Variants in PLEKHG4B observed in about 807,000 individuals in gnomAD.
The protein encoded by PLEKHG4B is pleckstrin homology domain-containing family G member 4B.
A neutral mutation model predicts 121.3 loss-of-function variants in PLEKHG4B; 111 were observed. That is an observed-to-expected ratio of 0.92 (90% CI 0.78 to 1.07). The LOEUF (loss-of-function observed/expected upper bound fraction) is 1.07, where lower values mean the gene tolerates loss of function less well. Ranked by LOEUF, PLEKHG4B falls within the 50% of genes least tolerant of loss-of-function variation. The pLI is 0.00. For synonymous variants in PLEKHG4B, 738 were observed against 725.0 expected (o/e 1.02, Z -0.29); for missense variants, 1,831 against 1,757.8 (o/e 1.04, Z -0.74).
chr5:139,966 G>A lies in PLEKHG4B; in HGVS notation c.727G>A (p.Ala243Thr), dbSNP rs1241754582. 3.5e-5 allele frequency: 14 copies of A among 405,432 alleles called. No homozygotes were observed. The highest frequency in any genetic ancestry group is 3.9e-5 in the Non-Finnish European group (9 of 230,150). 25.1% of individuals were successfully genotyped at this position (405,432 alleles called of 1,614,324 possible). Residue 243 changes from alanine to threonine, a missense_variant, in exon 3 of 20, where the codon GCC (alanine) becomes ACC (threonine). Coordinates refer to ENST00000637938, the MANE Select transcript of PLEKHG4B (RefSeq NM_052909.5). This position sits in a 1 kb window ranked among gnomAD's most constrained non-coding sequence, Gnocchi z 5.0. ...ATAGPHFQGSASCPDTLTSPC... is the reference protein window; with the variant it reads ...ATAGPHFQGSTSCPDTLTSPC... Reference sequence around the variant, plus strand: ...AGCAGGCCCCCATTTCCAGGGAAGCGCCTCTTGCCCCGACACCCTGACCTC... The same window carrying A: ...AGCAGGCCCCCATTTCCAGGGAAGCACCTCTTGCCCCGACACCCTGACCTC...
chr5:173,665 C>T (rs1017090924), intron 17 of PLEKHG4B, among the ~76,000 whole-genome samples: 4 of 151,370 alleles, frequency 2.6e-5, no homozygotes, highest in South Asian at 2.1e-4. Flanking sequence ...CTCCTTTGCA[C>T]GCTCACAAGC....
chr5:162,076 CCCCT>C, intron 12 of PLEKHG4B, 132 bp downstream of exon 12: 1 of 1,189,998 alleles, frequency 8.4e-7, no homozygotes, highest in Non-Finnish European at 1.1e-6. Flanking sequence ...CGATGGAGCC[CCCCT>C]GGCCACTGCG....
intron 2 of PLEKHG4B, among the ~76,000 whole-genome samples, chr5:131,118 C>CTTTTTT (rs370839530): frequency 7.4e-5 from 11 of 148,124 alleles, no homozygotes; most frequent in Admixed American, 6.7e-5. Flanking sequence ...AAGCTGCTTC[C>CTTTTTT]TTTTTTTTTT....
rs1345953294 is a variant in PLEKHG4B, at chr5:169,492, A to G, written c.3629A>G (p.Asn1210Ser). The change falls in exon 14 of 20, where the codon AAC (asparagine) becomes AGC (serine). Residue 1210 changes from asparagine to serine, a missense_variant. By Grantham distance (46) the Asn-to-Ser change is conservative. Coordinates refer to ENST00000637938, the MANE Select transcript of PLEKHG4B (RefSeq NM_052909.5). ...LRGKHHVIFG[N>S]LEKLHDFHQQ... Reference sequence around the variant, plus strand: ...GGGAAGCACCACGTTATTTTCGGCAACTTGGAGAAGCTCCACGACTTCCAC... The same window carrying G: ...GGGAAGCACCACGTTATTTTCGGCAGCTTGGAGAAGCTCCACGACTTCCAC... 3.7e-6 allele frequency: 6 copies of G among 1,614,220 alleles called. No homozygotes were observed. In the East Asian group the frequency reaches 1.1e-4, roughly 30 times the overall value.
At chr5:179,216 A>T (rs1736858601) in intron 18 of PLEKHG4B, among the ~76,000 whole-genome samples, 2 of 152,090 alleles carry the variant, frequency 1.3e-5, no homozygotes, top group African/African-American at 2.4e-5. Context: ...TTTCACTTTT[A>T]TCTTTTTATC....
rs2031570381 is a variant in PLEKHG4B, at chr5:127,567, G to A, written c.244-11916G>A. Among the ~76,000 whole-genome samples, 3 of 152,102 alleles carry A rather than the reference G, an allele frequency of 2.0e-5. No individual in the cohort carries two copies. In the South Asian group the frequency reaches 6.2e-4, roughly 32 times the overall value. On this transcript the variant is annotated intron_variant, in intron 2 of 19. Coordinates refer to ENST00000637938, the MANE Select transcript of PLEKHG4B (RefSeq NM_052909.5). ...GGGAAAAGACAAAAAAATGAAAGGG[G>A]TGGCAAAAGGGCATCACCTCTTTAA...
rs769038158 is a variant in PLEKHG4B, at chr5:181,669, G to A, written c.4558G>A (p.Gly1520Ser). Residue 1520 changes from glycine to serine, a missense_variant, in exon 19 of 20, where the codon GGC (glycine) becomes AGC (serine). Physicochemically the swap from Gly to Ser is moderately conservative, Grantham distance 56. Transcript: ENST00000637938. ...SDRVPDSIVKGTESQMRGSTA... is the reference protein window; with the variant it reads ...SDRVPDSIVKSTESQMRGSTA... ...CCGAGTCCCCGACAGCATCGTCAAG[G>A]GCACAGGTACGGTGGCTCGGTCCCG... is the stretch of plus-strand genomic sequence containing the variant. 11 of 1,612,946 alleles carry A rather than the reference G, an allele frequency of 6.8e-6. No homozygotes were observed. Among genetic ancestry groups the A allele is most frequent in the Non-Finnish European group, 9.3e-6 (11 of 1,179,652 alleles).
At chr5:174,880 G>C (rs949136550) in intron 18 of PLEKHG4B, among the ~76,000 whole-genome samples, 4 of 151,994 alleles carry the variant, frequency 2.6e-5, no homozygotes, top group African/African-American at 9.7e-5. Flanking sequence ...TCCGTGACTC[G>C]ATCTCCAAAG....
chr5:183,147 A>G lies in PLEKHG4B; in HGVS notation c.*824A>G, dbSNP rs1733474883. 1 of 152,262 alleles carries G rather than the reference A, an allele frequency of 6.6e-6. No individual in the cohort carries two copies. The highest frequency in any genetic ancestry group is 1.5e-5 in the Non-Finnish European group (1 of 68,054). The allele number at this position is 152,262 out of a possible 1,614,324, so 9.4% of individuals were successfully genotyped here. A position where few individuals can be genotyped will look rare whatever the true frequency, so the allele number is the denominator to read the frequency against. ...AAATCTTGCCTCAGGAATGGGGATA[A>G]TTAGCCCTAGACTGAGCCCTGCTCC... On this transcript the variant is annotated 3_prime_UTR_variant, in exon 20 of 20. Coordinates refer to ENST00000637938, the MANE Select transcript of PLEKHG4B (RefSeq NM_052909.5).
At chr5:164,916 C>G (rs373590005) in intron 13 of PLEKHG4B, among the ~76,000 whole-genome samples, 1 of 57,086 alleles carries the variant, frequency 1.8e-5, no homozygotes, top group East Asian at 3.4e-4. Context: ...TGTGACGGGG[C>G]GGAGCTCACA....
At chr5:135,187 C>CAAAAAAAAAAAAAAAAAAAAAAAAAAAAA (rs35601775) in intron 2 of PLEKHG4B, among the ~76,000 whole-genome samples, 1 of 48,778 alleles carries the variant, frequency 2.1e-5, no homozygotes, top group African/African-American at 6.3e-5. Flanking sequence ...GACTCCAGCT[C>CAAAAAAAAAAAAAAAAAAAAAAAAAAAAA]AAAAAAAAAA....
chr5:161,576 T>G (rs1366673532), intron 11 of PLEKHG4B, among the ~76,000 whole-genome samples: 1 of 152,142 alleles, frequency 6.6e-6, no homozygotes, highest in Non-Finnish European at 1.5e-5. Flanking sequence ...GTTCTTCCCC[T>G]GTGTAGATCA....
At chr5:151,020 C>T (rs570179269) in intron 6 of PLEKHG4B, among the ~76,000 whole-genome samples, 15 of 152,184 alleles carry the variant, frequency 9.9e-5, no homozygotes, top group Non-Finnish European at 1.5e-4. Flanking sequence ...AGGAACAAAC[C>T]GTTGATCTCC....
At chr5:151,847 C>T (rs1735615382) in intron 7 of PLEKHG4B, among the ~76,000 whole-genome samples, 2 of 152,196 alleles carry the variant, frequency 1.3e-5, no homozygotes, top group African/African-American at 4.8e-5. Flanking sequence ...GTATCTTCCT[C>T]TTTTATCTGA....
chr5:172,026 G>A (rs549106217), intron 16 of PLEKHG4B, among the ~76,000 whole-genome samples: 1 of 152,338 alleles, frequency 6.6e-6, no homozygotes, highest in South Asian at 2.1e-4. Flanking sequence ...AGAAATGGCC[G>A]GTGCGTGGGG....
intron 2 of PLEKHG4B, among the ~76,000 whole-genome samples, chr5:128,054 G>C (rs1337432739): frequency 6.6e-6 from 1 of 152,204 alleles, no homozygotes; most frequent in Non-Finnish European, 1.5e-5. Flanking sequence ...TGGAGACAAA[G>C]TTTCTTTTGA....
chr5:179,905 A>G (rs1363753654), intron 18 of PLEKHG4B, among the ~76,000 whole-genome samples: 1 of 151,808 alleles, frequency 6.6e-6, no homozygotes, highest in Non-Finnish European at 1.5e-5. Context: ...TTTATTTTTG[A>G]TATGTAGGTT....
chr5:167,443 A>G (rs185725951), intron 13 of PLEKHG4B, among the ~76,000 whole-genome samples: 28 of 31,730 alleles, frequency 8.8e-4, no homozygotes, highest in African/African-American at 2.8e-3. Flanking sequence ...ATAATGGTAG[A>G]AAAAAAATCT....
intron 2 of PLEKHG4B, among the ~76,000 whole-genome samples, chr5:115,112 T>G (rs1037856921): frequency 2.0e-5 from 3 of 152,238 alleles, no homozygotes; most frequent in Non-Finnish European, 4.4e-5. Context: ...TTAAAAAGAC[T>G]TGAAAGTCAA....
Sources: allele counts gnomAD v4.1 joint callset (sites outside exome capture counted in the v4.1 genomes callset), GRCh38; gene constraint gnomAD v4.1.1; non-coding constraint Gnocchi (gnomAD v3.1); transcripts MANE v1.5; gene names NCBI Gene and HGNC (gene_info 2026-07-23, HGNC 2026-07-21).